Variants in OTOGL observed in about 807,000 individuals in gnomAD.
The protein encoded by OTOGL is otogelin like, also known as otogelin-like protein.
Under a neutral mutation model 318.5 loss-of-function variants are expected in OTOGL, and 285 were observed. The observed-to-expected ratio is 0.89, with a 90% CI of 0.81 to 0.99. The LOEUF (loss-of-function observed/expected upper bound fraction) is 0.99, where lower values mean the gene tolerates loss of function less well. Among genes scored for constraint, OTOGL ranks in the 50% least tolerant of loss-of-function variants. The probability of loss-of-function intolerance (pLI) is 0.00; values close to 1 mark genes in which losing one functional copy is unlikely to be tolerated. For missense variants in OTOGL, 2,899 were observed against 2,845.6 expected, an observed-to-expected ratio of 1.02 and a Z score of -0.43; for synonymous variants, 987 against 936.5, an observed-to-expected ratio of 1.05 and a Z score of -0.99.
chr12:80,181,197 CT>C (rs530315939), intron 1 of OTOGL, among the ~76,000 whole-genome samples: 162 of 152,044 alleles, frequency 1.1e-3, no homozygotes, highest in Middle Eastern at 6.8e-3. Flanking sequence ...AATTAGCATA[CT>C]TTTTTTTATT....
Position 80,233,084 on chromosome 12 carries a change from C to T in OTOGL, c.804C>T (p.Phe268=), listed in dbSNP as rs1322411917. ...GNYNDIQSDD[F]IILQEDYTED... ...ACAATGACATTCAATCTGATGATTTCATAATTCTGCAAGGTAAGTGAAGCA... is the reference window on the plus strand; with the variant it reads ...ACAATGACATTCAATCTGATGATTTTATAATTCTGCAAGGTAAGTGAAGCA... Residue 268 remains phenylalanine, a synonymous_variant, in exon 9 of 59, where the codon TTC becomes TTT. Coordinates refer to ENST00000547103, the MANE Select transcript of OTOGL (RefSeq NM_001378609.3). 2 of 1,592,298 alleles carry T rather than the reference C, an allele frequency of 1.3e-6. No individual in the cohort carries two copies. Among genetic ancestry groups the T allele is most frequent in the Admixed American group, 1.7e-5 (1 of 59,932 alleles).
intron 1 of OTOGL, among the ~76,000 whole-genome samples, chr12:80,152,961 T>C (rs1872881884): frequency 6.6e-6 from 1 of 152,218 alleles, no homozygotes; most frequent in Non-Finnish European, 1.5e-5. Flanking sequence ...CCCAAAGTGC[T>C]GGGATTACAG....
intron 34 of OTOGL, 135 bp from the exon 35 acceptor site, chr12:80,323,588 G>A: frequency 3.1e-6 from 2 of 654,106 alleles, no homozygotes; most frequent in Admixed American, 5.3e-5. Context: ...GGCAGAGGTT[G>A]TGGTGAATCG....
rs1883364968 is a variant in OTOGL at position 80,270,990 on chromosome 12, T to A, written c.2519-658T>A. The stretch of plus-strand genomic sequence containing the variant: ...TATATTATTATTAAAGAGCTTTGAA[T>A]TACATGCCCTGAATTTACTTTACAA... On this transcript the variant is annotated intron_variant, in intron 23 of 58. Coordinates refer to ENST00000547103, the MANE Select transcript of OTOGL (RefSeq NM_001378609.3). Among the ~76,000 whole-genome samples the A allele has an allele frequency of 1.1e-4, 17 of 152,260 alleles. No homozygotes were observed. The South Asian group carries it at 3.5e-3, about 32-fold the overall frequency.
chr12:80,103,214 C>T (rs1187809963), intron 1 of OTOGL: 9 of 1,435,640 alleles, frequency 6.3e-6, no homozygotes, highest in Non-Finnish European at 8.8e-6. Context: ...CGTTGTACTT[C>T]TGTCTCAGCT....
At chr12:80,364,612 T>A (rs773376848) in intron 52 of OTOGL, among the ~76,000 whole-genome samples, 1 of 152,064 alleles carries the variant, frequency 6.6e-6, no homozygotes, top group Non-Finnish European at 1.5e-5. Context: ...CTACTCTACT[T>A]TCTGTCTCTC....
At chr12:80,367,789 T>A in intron 54 of OTOGL, 50 bp downstream of exon 54, 1 of 1,240,772 alleles carries the variant, frequency 8.1e-7, no homozygotes, top group Non-Finnish European at 1.1e-6. Flanking sequence ...CATTCAAAAA[T>A]GGCAGAGTTA....
chr12:80,102,836 A>G (rs1185435182), intron 1 of OTOGL: 5 of 686,516 alleles, frequency 7.3e-6, no homozygotes, highest in Non-Finnish European at 1.3e-5. Flanking sequence ...AGCTCTAGTC[A>G]TAAGGCTCTT....
chr12:80,356,970 C>G (rs930441521), intron 49 of OTOGL, 56 bp downstream of exon 49: 1 of 749,036 alleles, frequency 1.3e-6, no homozygotes, highest in Non-Finnish European at 2.1e-6. Context: ...GGAAAAAAAT[C>G]TCTTATTTGA....
intron 1 of OTOGL, chr12:80,208,271 C>T (rs1565900184): frequency 2.0e-6 from 1 of 508,638 alleles, no homozygotes; most frequent in Admixed American, 2.0e-5. Context: ...AAACAGGAAA[C>T]TGTTTATATA....
At chr12:80,251,669 T>A in intron 11 of OTOGL, 24 bp from the exon 12 acceptor site, 1 of 1,532,558 alleles carries the variant, frequency 6.5e-7, no homozygotes, top group East Asian at 2.3e-5. Flanking sequence ...TATGTGATTC[T>A]GGCTCTGTCT....
At chr12:80,112,455 G>A (rs527724696) in intron 1 of OTOGL, among the ~76,000 whole-genome samples, 1 of 152,192 alleles carries the variant, frequency 6.6e-6, no homozygotes, top group East Asian at 1.9e-4. Flanking sequence ...TAGCATGAAG[G>A]GGTGTTGAAT....
intron 55 of OTOGL, among the ~76,000 whole-genome samples, chr12:80,369,704 T>C (rs1421176905): frequency 6.6e-6 from 1 of 152,050 alleles, no homozygotes; most frequent in African/African-American, 2.4e-5. Context: ...TACAAATTTA[T>C]TAAGAGAATG....
chr12:80,339,298 G>GTTTTT lies in OTOGL; in HGVS notation c.5050+55_5050+59dup, dbSNP rs10715159. ...TGCCCTTCAAATCTTGATTTCGTCT[G>GTTTTT]TTTTTTTTTTTTTTTTTTTTTTTTT... On this transcript the variant is annotated intron_variant, in intron 43 of 58. Transcript: ENST00000547103. 3,942 of 535,488 alleles carry GTTTTT rather than the reference G, an allele frequency of 7.4e-3. 4 individuals are homozygous for GTTTTT. Among genetic ancestry groups the GTTTTT allele is most frequent in the South Asian group, 0.015 (466 of 31,216 alleles). 33.2% of individuals were successfully genotyped at this position (535,488 alleles called of 1,614,324 possible).
rs1000274930 is a variant in OTOGL, at chr12:80,332,993, C to A, written c.4349-12C>A. The A allele has an allele frequency of 4.4e-6, 7 of 1,574,062 alleles. No individual in the cohort carries two copies. Among genetic ancestry groups the A allele is most frequent in the Non-Finnish European group, 6.1e-6 (7 of 1,155,310 alleles). The stretch of plus-strand genomic sequence containing the variant: ...ATTCCACTAATGAGGATTACTTTTT[C>A]ATTTCTGACAGTTTGGGAAATGATT... On this transcript the variant is annotated splice_polypyrimidine_tract_variant and intron_variant, in intron 37 of 58. Coordinates refer to ENST00000547103, the MANE Select transcript of OTOGL (RefSeq NM_001378609.3).
chr12:80,316,962 A>G (rs576535969), intron 32 of OTOGL, among the ~76,000 whole-genome samples: 57 of 152,296 alleles, frequency 3.7e-4, no homozygotes, highest in Non-Finnish European at 6.8e-4. Context: ...ACATACATAA[A>G]TAAGTAATTG....
At chr12:80,302,223 C>T (rs766447672) in intron 27 of OTOGL, among the ~76,000 whole-genome samples, 2 of 152,150 alleles carry the variant, frequency 1.3e-5, no homozygotes, top group Non-Finnish European at 2.9e-5. Flanking sequence ...TACTCAGAAA[C>T]ATGCGCAGGA....
chr12:80,245,968 G>C (rs1285849367), intron 11 of OTOGL, among the ~76,000 whole-genome samples: 1 of 136,300 alleles, frequency 7.3e-6, no homozygotes, highest in East Asian at 2.2e-4. Context: ...CTGTTTGTCT[G>C]TTGTTGGTGT....
At chr12:80,195,108 T>C (rs1875965622) in intron 1 of OTOGL, among the ~76,000 whole-genome samples, 1 of 152,244 alleles carries the variant, frequency 6.6e-6, no homozygotes, top group Admixed American at 6.5e-5. Context: ...TTGATGTTTA[T>C]AAGTTTCTTT....
Sources: gnomAD v4.1 joint callset for allele counts (sites outside exome capture counted in the v4.1 genomes callset) on GRCh38, gnomAD v4.1.1 for gene constraint, MANE v1.5 for transcripts, NCBI Gene and HGNC (gene_info 2026-07-23, HGNC 2026-07-21) for gene names.